The following LMNTD1 variants were observed in gnomAD, a reference collection of about 807,000 sequenced individuals.
The protein encoded by LMNTD1 is lamin tail domain containing 1.
LMNTD1 carries 35 observed loss-of-function variants against 50.9 expected under a neutral mutation model. That is an observed-to-expected ratio of 0.69 (90% confidence interval 0.53 to 0.91). The LOEUF (loss-of-function observed/expected upper bound fraction) is 0.91. Ranked by LOEUF, LMNTD1 falls within the 40% of genes least tolerant of loss-of-function variation. The pLI is 0.00. For missense variants in LMNTD1, 470 were observed against 475.5 expected (o/e 0.99, Z 0.11); for synonymous variants, 153 against 161.9 (o/e 0.94, Z 0.42).
At position 25,553,188 on chromosome 12, in the gene LMNTD1, G is replaced by A; in HGVS notation, c.-150C>T. ...ACCAACATAGCCAATCCTGATCTTG[G>A]CTAAGGATGTCGGACAAACCATGGT... On this transcript the variant is annotated 5_prime_UTR_variant, in exon 1 of 10. Coordinates refer to ENST00000458174, the MANE Select transcript of LMNTD1 (RefSeq NM_001145728.2). 6.3e-7 allele frequency: 1 copy of A among 1,591,416 alleles called. No homozygotes were observed. The highest frequency in any genetic ancestry group is 8.5e-7 in the Non-Finnish European group (1 of 1,171,204).
Position 25,582,910 on chromosome 12 carries a change from C to T in LMNTD1, c.59-36356G>A, listed in dbSNP as rs534928842. The stretch of plus-strand genomic sequence containing the variant: ...TTGTCCAGGCTGGAGTGCAGTAGCA[C>T]GATCATGGCTCACTGCAACCTTGAC... On this transcript the variant is annotated intron_variant, in intron 1 of 7. Transcript: ENST00000445693. Among the ~76,000 whole-genome samples the T allele has an allele frequency of 7.2e-5, 11 of 152,258 alleles. No individual in the cohort carries two copies. The South Asian group carries it at 1.4e-3, about 20-fold the overall frequency.
rs1041592595 is a variant in LMNTD1 at position 25,526,717 on chromosome 12, C to G, written c.678+52G>C. 29 of 1,251,262 alleles carry G rather than the reference C, an allele frequency of 2.3e-5. No homozygotes were observed. In the African/African-American group the frequency reaches 4.2e-4, roughly 18 times the overall value. The allele number at this position is 1,251,262 out of a possible 1,614,324, so 77.5% of individuals were successfully genotyped here. Reference sequence around the variant, plus strand: ...CTGAGCCACAGACTGTCAGTGTCAACAAGTTTGTCCTGTACAATTCTAATG... The same window carrying G: ...CTGAGCCACAGACTGTCAGTGTCAAGAAGTTTGTCCTGTACAATTCTAATG... On this transcript the variant is annotated intron_variant, in intron 5 of 9. Transcript: ENST00000458174.
At chr12:25,485,013 T>G (rs1401538797) in intron 9 of LMNTD1, among the ~76,000 whole-genome samples, 1 of 152,098 alleles carries the variant, frequency 6.6e-6, no homozygotes, top group East Asian at 1.9e-4. Flanking sequence ...CCTTTGGGTA[T>G]ATACCCAGTA....
At chr12:25,615,249 G>A (rs1019202042) in intron 1 of LMNTD1, among the ~76,000 whole-genome samples, 2 of 152,150 alleles carry the variant, frequency 1.3e-5, no homozygotes, top group African/African-American at 4.8e-5. Flanking sequence ...CCATGAGTCA[G>A]CAACATGGTG....
At chr12:25,612,290 T>TCACA (rs71705893) in intron 1 of LMNTD1, among the ~76,000 whole-genome samples, 170 of 107,250 alleles carry the variant, frequency 1.6e-3, no homozygotes, top group African/African-American at 4.7e-3. Flanking sequence ...CTAAGGTCCC[T>TCACA]CACACACACA....
At chr12:25,540,900 G>A (rs1181226206) in intron 4 of LMNTD1, among the ~76,000 whole-genome samples, 1 of 133,044 alleles carries the variant, frequency 7.5e-6, no homozygotes. Flanking sequence ...AAATCAATGT[G>A]CAAAAATCAC....
chr12:25,556,047 A>G (rs1042630447), upstream of LMNTD1, among the ~76,000 whole-genome samples: 1 of 134,162 alleles, frequency 7.5e-6, no homozygotes, highest in Non-Finnish European at 1.5e-5. Context: ...ATCTCGGCTC[A>G]CTGCAACCTC....
intron 1 of LMNTD1, among the ~76,000 whole-genome samples, chr12:25,558,754 T>C (rs531296115): frequency 4.6e-5 from 7 of 152,270 alleles, no homozygotes; most frequent in African/African-American, 1.7e-4. Context: ...GAACTCCCTT[T>C]ATAAAACCAT....
chr12:25,502,043 T>TA (rs1591833707), intron 9 of LMNTD1, among the ~76,000 whole-genome samples: 1 of 151,826 alleles, frequency 6.6e-6, no homozygotes. Flanking sequence ...CAGATTTTTT[T>TA]AAAAAATCAA....
At position 25,552,898 on chromosome 12, in the gene LMNTD1, T is replaced by G. The variant is rs536957850; in HGVS notation, c.62A>C (p.Gln21Pro). ...TTTTTGTTTCTCATTCTTATCTTCCTGCTCATGGACTTTATTCTGCATTGC... is the reference window on the plus strand; with the variant it reads ...TTTTTGTTTCTCATTCTTATCTTCCGGCTCATGGACTTTATTCTGCATTGC... Reference protein sequence around the residue: ...SKAMQNKVHEQEDKNEKQKQR... With the variant: ...SKAMQNKVHEPEDKNEKQKQR... Residue 21 changes from glutamine to proline, a missense_variant, in exon 2 of 10, where the codon CAG (glutamine) becomes CCG (proline). Gln to Pro is a moderately conservative substitution (Grantham distance 76, BLOSUM62 -1). Transcript: ENST00000458174. The G allele has an allele frequency of 6.4e-7, 1 of 1,551,434 alleles. No individual in the cohort carries two copies. The highest frequency in any genetic ancestry group is 2.4e-5 in the East Asian group (1 of 40,928).
At chr12:25,636,663 C>T (rs117683335) in intron 1 of LMNTD1, among the ~76,000 whole-genome samples, 3,405 of 152,084 alleles carry the variant, frequency 0.022, 79 homozygotes, top group Non-Finnish European at 0.035. Context: ...AGACATTATA[C>T]GAAAAAGACA....
intron 9 of LMNTD1, among the ~76,000 whole-genome samples, chr12:25,484,584 G>C (rs900655207): frequency 6.6e-6 from 1 of 150,486 alleles, no homozygotes; most frequent in Non-Finnish European, 1.5e-5. Context: ...TACATGTGCC[G>C]TGCTGGTGCG....
At chr12:25,547,331 GTT>G (rs149258059) in intron 3 of LMNTD1, 2,698 of 209,332 alleles carry the variant, frequency 0.013, 31 homozygotes, top group African/African-American at 0.036. Context: ...CGTGATGTAA[GTT>G]TTCCAAGTTT....
At chr12:25,481,865 TCACA>T (rs138084240) in intron 9 of LMNTD1, among the ~76,000 whole-genome samples, 4,392 of 132,634 alleles carry the variant, frequency 0.033, 86 homozygotes, top group African/African-American at 0.048. Flanking sequence ...TATTGCCTCT[TCACA>T]CACACACACA....
At chr12:25,631,364 C>T (rs1275579456) in intron 1 of LMNTD1, among the ~76,000 whole-genome samples, 1 of 152,192 alleles carries the variant, frequency 6.6e-6, no homozygotes, top group African/African-American at 2.4e-5. Context: ...ATTAAACCAC[C>T]AAAGCTAAGA....
chr12:25,546,960 G>T (rs1367689135), intron 3 of LMNTD1, among the ~76,000 whole-genome samples: 1 of 151,480 alleles, frequency 6.6e-6, no homozygotes, highest in Admixed American at 6.6e-5. Context: ...TTCCCAAATG[G>T]CTACCCATAA....
intron 9 of LMNTD1, among the ~76,000 whole-genome samples, chr12:25,495,890 G>T (rs1370334327): frequency 6.6e-6 from 1 of 152,130 alleles, no homozygotes; most frequent in Non-Finnish European, 1.5e-5. Context: ...TACTTTCTAA[G>T]AGCACACTTC....
intron 5 of LMNTD1, 61 bp downstream of exon 5, chr12:25,526,708 C>G: frequency 9.0e-7 from 1 of 1,106,076 alleles, no homozygotes; most frequent in African/African-American, 1.6e-5. Flanking sequence ...CACAGACTGT[C>G]AGTGTCAACA....
chr12:25,500,510 A>G (rs1437389475), intron 9 of LMNTD1, among the ~76,000 whole-genome samples: 1 of 152,162 alleles, frequency 6.6e-6, no homozygotes, highest in Admixed American at 6.5e-5. Flanking sequence ...AATGCCTCCT[A>G]TGTGTAAGAG....
Sources: allele counts gnomAD v4.1 joint callset (sites outside exome capture counted in the v4.1 genomes callset), GRCh38; gene constraint gnomAD v4.1.1; transcripts MANE v1.5; gene names NCBI Gene and HGNC (gene_info 2026-07-23, HGNC 2026-07-21).